PSMG2: variants seen among roughly 807,000 people sequenced by gnomAD.
The protein encoded by PSMG2 is proteasome assembly chaperone 2.
In PSMG2, 21 loss-of-function variants were observed where a neutral mutation model predicts 31.5. The ratio of observed to expected loss-of-function variants is 0.67; its 90% CI spans 0.47 to 0.96. The LOEUF (loss-of-function observed/expected upper bound fraction) is 0.96. PSMG2 is among the 40% of genes least tolerant of loss of function. The pLI is 0.00. For synonymous variants in PSMG2, 120 were observed against 110.4 expected (o/e 1.09, Z -0.54); for missense variants, 318 against 321.2 (o/e 0.99, Z 0.08).
At chr18:12,721,041 G>T (rs764130003) in intron 5 of PSMG2, among the ~76,000 whole-genome samples, 1 of 151,650 alleles carries the variant, frequency 6.6e-6, no homozygotes, top group African/African-American at 2.4e-5. Flanking sequence ...TTAGCTGGGC[G>T]TGATGGTGGG....
chr18:12,705,572 A>AGTGTGTGTGTGTGTGTGTGT (rs1341255881), intron 1 of PSMG2, among the ~76,000 whole-genome samples: 14 of 129,234 alleles, frequency 1.1e-4, no homozygotes, highest in Non-Finnish European at 2.2e-4. Context: ...AGAGAGAGAG[A>AGTGTGTGTGTGTGTGTGTGT]GAGAGTGTGT....
upstream of PSMG2, among the ~76,000 whole-genome samples, chr18:12,698,170 ATTTG>A (rs977004217): frequency 2.0e-5 from 3 of 151,546 alleles, no homozygotes; most frequent in Middle Eastern, 3.2e-3. Context: ...ATTTATATTT[ATTTG>A]TAAGTATTTA....
chr18:12,693,911 T>C (rs1033110101), intron 1 of PSMG2, among the ~76,000 whole-genome samples: 2 of 152,166 alleles, frequency 1.3e-5, no homozygotes, highest in African/African-American at 2.4e-5. Flanking sequence ...CAGCTCACTG[T>C]AACCTCAAAT....
intron 6 of PSMG2, 53 bp from the exon 7 acceptor site, chr18:12,725,386 G>A (rs1052928728): frequency 3.7e-6 from 5 of 1,369,352 alleles, no homozygotes; most frequent in Admixed American, 4.1e-5. Flanking sequence ...CACTTTAAAA[G>A]GAGATTTGAT....
At chr18:12,714,448 T>G (rs1176274832) in intron 3 of PSMG2, among the ~76,000 whole-genome samples, 1 of 152,130 alleles carries the variant, frequency 6.6e-6, no homozygotes, top group Non-Finnish European at 1.5e-5. Context: ...TCTTAAATGT[T>G]TCTTCATGAG....
intron 3 of PSMG2, among the ~76,000 whole-genome samples, chr18:12,717,118 T>A (rs2040384558): frequency 6.6e-6 from 1 of 151,078 alleles, no homozygotes. Context: ...TGTAATAATT[T>A]TTTTTTTTTT....
intron 2 of PSMG2, among the ~76,000 whole-genome samples, chr18:12,707,015 A>C (rs1454589866): frequency 6.6e-6 from 1 of 151,898 alleles, no homozygotes; most frequent in Non-Finnish European, 1.5e-5. Context: ...GAGTGCAGTG[A>C]CGCGATCTCC....
At chr18:12,671,131 A>AGG (rs71872268) in intron 1 of PSMG2, 2 of 149,808 alleles carry the variant, frequency 1.3e-5, no homozygotes, top group East Asian at 2.0e-4. Flanking sequence ...TTAGAGAAAT[A>AGG]GGGGGGGGTC....
At chr18:12,723,896 G>A (rs189001293) in intron 5 of PSMG2, among the ~76,000 whole-genome samples, 2 of 152,286 alleles carry the variant, frequency 1.3e-5, no homozygotes, top group Admixed American at 6.5e-5. Flanking sequence ...TATCTGGTAA[G>A]TTGAAGAGCT....
chr18:12,672,679 T>TA (rs1327299397), intron 1 of PSMG2: 1 of 979,544 alleles, frequency 1.0e-6, no homozygotes, highest in East Asian at 1.1e-4. Context: ...AGAGGTATAA[T>TA]AAAGTTTTTC....
intron 1 of PSMG2, chr18:12,674,834 T>C: frequency 1.3e-6 from 1 of 771,948 alleles, no homozygotes; most frequent in Non-Finnish European, 2.0e-6. Context: ...TTGATTATTT[T>C]AATGTATACC....
At chr18:12,722,898 C>G (rs1173725578) in intron 5 of PSMG2, among the ~76,000 whole-genome samples, 1 of 152,200 alleles carries the variant, frequency 6.6e-6, no homozygotes, top group African/African-American at 2.4e-5. Context: ...TCGGAGCCAG[C>G]CTTCTCCAGG....
intron 1 of PSMG2, chr18:12,691,503 A>G: frequency 6.4e-7 from 1 of 1,556,588 alleles, no homozygotes; most frequent in African/African-American, 1.4e-5. Flanking sequence ...AATTGAAAAA[A>G]ATATTTTTCA....
In PSMG2 at chr18:12,694,997, G is replaced by A. The variant is rs538525770; in HGVS notation, c.-36-11553G>A. Among the ~76,000 whole-genome samples the A allele has an allele frequency of 1.2e-3, 183 of 152,178 alleles. 2 individuals are homozygous for A. Among genetic ancestry groups the A allele is most frequent in the South Asian group, 7.9e-3 (38 of 4,820 alleles). On this transcript the variant is annotated intron_variant, in intron 1 of 6. Transcript: ENST00000585331. ...CCCAAAGTGCTGGGACTACAGGCGT[G>A]AGCCACCGGCCTATCCTGTAATTCT...
intron 1 of PSMG2, chr18:12,680,872 T>G (rs1482166845): frequency 1.3e-6 from 2 of 1,524,304 alleles, no homozygotes; most frequent in South Asian, 1.2e-5. Flanking sequence ...TCCATATTAT[T>G]TCCTCATTAC....
At chr18:12,708,598 A>C (rs2040293420) in intron 2 of PSMG2, among the ~76,000 whole-genome samples, 1 of 151,734 alleles carries the variant, frequency 6.6e-6, no homozygotes, top group Non-Finnish European at 1.5e-5. Flanking sequence ...TCCCAAAATC[A>C]GGTGATCTGC....
chr18:12,671,638 CTTTCTTTT>C (rs1750634742), intron 1 of PSMG2, among the ~76,000 whole-genome samples: 2 of 82,930 alleles, frequency 2.4e-5, no homozygotes, highest in African/African-American at 4.0e-5. Flanking sequence ...AGGTTTCACA[CTTTCTTTT>C]TTTTTTTTTT....
intron 1 of PSMG2, chr18:12,673,306 A>T: frequency 6.4e-7 from 1 of 1,554,130 alleles, no homozygotes; most frequent in Non-Finnish European, 8.6e-7. Context: ...TAGCTAAGTA[A>T]TGTACAATGT....
intron 1 of PSMG2, among the ~76,000 whole-genome samples, chr18:12,672,336 G>A (rs1271038520): frequency 1.3e-5 from 2 of 151,774 alleles, no homozygotes; most frequent in Non-Finnish European, 2.9e-5. Flanking sequence ...GGCTGGTCAC[G>A]AACTCCTGAC....
Sources: allele counts gnomAD v4.1 joint callset (sites outside exome capture counted in the v4.1 genomes callset), GRCh38; gene constraint gnomAD v4.1.1; transcripts MANE v1.5; gene names NCBI Gene and HGNC (gene_info 2026-07-23, HGNC 2026-07-21).